IQCH: variants seen among roughly 807,000 people sequenced by gnomAD.
IQCH encodes IQ domain-containing protein H.
Under a neutral mutation model 117.0 loss-of-function variants are expected in IQCH, and 98 were observed. The ratio of observed to expected loss-of-function variants is 0.84; its 90% CI spans 0.71 to 0.99. The LOEUF (loss-of-function observed/expected upper bound fraction) is 0.99, where lower values mean the gene tolerates loss of function less well. IQCH is among the 50% of genes least tolerant of loss of function. The probability of loss-of-function intolerance (pLI) is 0.00; values close to 1 mark genes in which losing one functional copy is unlikely to be tolerated. For synonymous variants in IQCH, 412 were observed against 448.2 expected (o/e 0.92, Z 1.02); for missense variants, 1,102 against 1,243.8 (o/e 0.89, Z 1.72).
At chr15:67,371,818 A>G (rs1596274879) in intron 8 of IQCH, among the ~76,000 whole-genome samples, 1 of 152,242 alleles carries the variant, frequency 6.6e-6, no homozygotes, top group African/African-American at 2.4e-5. Flanking sequence ...TGATTGTATC[A>G]AAGTAAACTA....
At chr15:67,442,674 A>G (rs1015501859) in intron 16 of IQCH, among the ~76,000 whole-genome samples, 1 of 152,148 alleles carries the variant, frequency 6.6e-6, no homozygotes, top group Non-Finnish European at 1.5e-5. Flanking sequence ...CAGTCCCATT[A>G]CTGGATATCT....
At chr15:67,289,383 A>C (rs1183340607) in intron 4 of IQCH, among the ~76,000 whole-genome samples, 2 of 152,052 alleles carry the variant, frequency 1.3e-5, no homozygotes, top group Non-Finnish European at 2.9e-5. Context: ...TATTGCAGTG[A>C]TCATGGGCCT....
intron 4 of IQCH, among the ~76,000 whole-genome samples, chr15:67,303,369 G>A (rs1433349134): frequency 6.6e-6 from 1 of 152,100 alleles, no homozygotes; most frequent in Admixed American, 6.6e-5. Flanking sequence ...AGTGGTGATG[G>A]TTGTGAATAT....
chr15:67,272,730 G>A (rs1965952160), intron 3 of IQCH, among the ~76,000 whole-genome samples: 1 of 152,104 alleles, frequency 6.6e-6, no homozygotes, highest in African/African-American at 2.4e-5. Context: ...TTTTATCTAT[G>A]TATAATTACT....
At chr15:67,327,930 A>G (rs1038390785) in intron 4 of IQCH, among the ~76,000 whole-genome samples, 1 of 152,144 alleles carries the variant, frequency 6.6e-6, no homozygotes, top group African/African-American at 2.4e-5. Flanking sequence ...ACTAAACTCC[A>G]TCCTCTGACT....
rs146114667 is a variant in IQCH, at chr15:67,264,837, G to GCT, written c.269+1635_269+1636dup. On this transcript the variant is annotated intron_variant, in intron 3 of 20. Coordinates refer to ENST00000335894, the MANE Select transcript of IQCH (RefSeq NM_001031715.3). ...ATGATCCAGCTATGTTAGCTCACTC[G>GCT]CTCTCTCTCTCTCTCCCTCCTCCTT... Among the ~76,000 whole-genome samples, 101 of 149,818 alleles carry GCT rather than the reference G, an allele frequency of 6.7e-4. 1 individual carries two copies. The highest frequency in any genetic ancestry group is 6.8e-3 in the Middle Eastern group (2 of 294).
intron 4 of IQCH, among the ~76,000 whole-genome samples, chr15:67,316,098 C>A (rs758961006): frequency 9.9e-5 from 15 of 152,092 alleles, no homozygotes. Context: ...TGTACTAATA[C>A]GTTATATGAG....
rs930255073 is a variant in IQCH, at chr15:67,474,241, C to A, written c.2677-1455C>A. 1.3e-5 allele frequency among the ~76,000 whole-genome samples: 2 copies of A among 152,082 alleles called. No homozygotes were observed. Among genetic ancestry groups the A allele is most frequent in the African/African-American group, 2.4e-5 (1 of 41,414 alleles). ...GATTATAATGCATGTCAGGTCACTA[C>A]GATTCCTTACGGCCAGCTCCAGACC... On this transcript the variant is annotated intron_variant, in intron 17 of 20. Coordinates refer to ENST00000335894, the MANE Select transcript of IQCH (RefSeq NM_001031715.3). The surrounding 1 kb of genome is among the most constrained non-coding windows in gnomAD (Gnocchi z 4.1).
intron 4 of IQCH, among the ~76,000 whole-genome samples, chr15:67,315,311 A>C (rs1967794986): frequency 6.6e-6 from 1 of 152,210 alleles, no homozygotes. Flanking sequence ...CTTGGTGAGC[A>C]GCAGAATCAC....
chr15:67,447,795 C>T lies in IQCH; in HGVS notation c.2506-17332C>T, dbSNP rs948379189. Among the ~76,000 whole-genome samples, 4 of 152,188 alleles carry T rather than the reference C, an allele frequency of 2.6e-5. No individual in the cohort carries two copies. The highest frequency in any genetic ancestry group is 4.4e-5 in the Non-Finnish European group (3 of 68,034). On this transcript the variant is annotated intron_variant, in intron 16 of 20. Coordinates refer to ENST00000335894, the MANE Select transcript of IQCH (RefSeq NM_001031715.3). The surrounding 1 kb of genome is among the most constrained non-coding windows in gnomAD (Gnocchi z 5.3). ...GGAGCTGATACAAAGTAAAAGCCTG[C>T]TGTGGTGAGTCCAAGCAACAGCTTG...
chr15:67,439,110 A>G (rs530748226), intron 16 of IQCH, among the ~76,000 whole-genome samples: 1 of 152,344 alleles, frequency 6.6e-6, no homozygotes, highest in East Asian at 1.9e-4. Context: ...TACACATTCT[A>G]TTCAACAGCG....
rs952931911 is a variant in IQCH, at chr15:67,370,342, G to A, written c.754-1769G>A. Among the ~76,000 whole-genome samples the A allele has an allele frequency of 4.6e-5, 7 of 152,180 alleles. No individual in the cohort carries two copies. On this transcript the variant is annotated intron_variant, in intron 8 of 20. Transcript: ENST00000335894. This position sits in a 1 kb window ranked among gnomAD's most constrained non-coding sequence, Gnocchi z 5.6. The stretch of plus-strand genomic sequence containing the variant: ...CAGAGTCCTGTTGACTGAATCACAC[G>A]TGACTGGCAGGACCAGCCAGCTCCA...
At chr15:67,373,248 T>A (rs1970616435) in intron 9 of IQCH, 119 bp from the exon 10 acceptor site, 1 of 616,232 alleles carries the variant, frequency 1.6e-6, no homozygotes, top group African/African-American at 1.9e-5. Context: ...AGTATGTAAT[T>A]AAATCAATTA....
chr15:67,439,574 GAAAC>G (rs1391326599), intron 16 of IQCH, among the ~76,000 whole-genome samples: 2 of 152,000 alleles, frequency 1.3e-5, no homozygotes, highest in East Asian at 3.9e-4. Context: ...CATGAAATTT[GAAAC>G]AAACAAACAA....
Position 67,427,355 on chromosome 15 carries a change from T to C in IQCH, c.2505+5778T>C, listed in dbSNP as rs17298032. Among the ~76,000 whole-genome samples, 11,578 of 152,220 alleles carry C rather than the reference T, an allele frequency of 0.076. 586 individuals carry two copies. The highest frequency in any genetic ancestry group is 0.13 in the East Asian group (665 of 5,176). On this transcript the variant is annotated intron_variant, in intron 16 of 20. Coordinates refer to ENST00000335894, the MANE Select transcript of IQCH (RefSeq NM_001031715.3). This position sits in a 1 kb window ranked among gnomAD's most constrained non-coding sequence, Gnocchi z 4.7. ...CTCTTCATCATACTAAAGTTTCATATAGTCAAATCCAGCTGTTTTTCTTTT... is the reference window on the plus strand; with the variant it reads ...CTCTTCATCATACTAAAGTTTCATACAGTCAAATCCAGCTGTTTTTCTTTT...
chr15:67,326,013 A>G (rs1228851744), intron 4 of IQCH, among the ~76,000 whole-genome samples: 1 of 152,146 alleles, frequency 6.6e-6, no homozygotes, highest in African/African-American at 2.4e-5. Context: ...CATGTGCACA[A>G]CGTGCAGGTT....
rs936827415 is a variant in IQCH, at chr15:67,406,665, A to C, written c.2097+6360A>C. 1 of 152,192 alleles carries C rather than the reference A, an allele frequency of 6.6e-6. No individual in the cohort carries two copies. The highest frequency in any genetic ancestry group is 1.9e-4 in the East Asian group (1 of 5,196). 9.4% of individuals were successfully genotyped at this position (152,192 alleles called of 1,614,324 possible). A position where few individuals can be genotyped will look rare whatever the true frequency, so the allele number is the denominator to read the frequency against. On this transcript the variant is annotated intron_variant, in intron 14 of 20. Transcript: ENST00000335894. This position sits in a 1 kb window ranked among gnomAD's most constrained non-coding sequence, Gnocchi z 4.5. ...GAGTGTTGGAACAGGCTAGTCATTC[A>C]GGGTAACTAAGAGGTAGTTTGGCTT...
At chr15:67,438,864 T>TA (rs1259892369) in intron 16 of IQCH, among the ~76,000 whole-genome samples, 1 of 152,240 alleles carries the variant, frequency 6.6e-6, no homozygotes, top group East Asian at 1.9e-4. Context: ...ATCACAATCC[T>TA]AAACATATAT....
chr15:67,347,792 G>A (rs1279066676), intron 6 of IQCH, among the ~76,000 whole-genome samples: 2 of 146,248 alleles, frequency 1.4e-5, no homozygotes, highest in African/African-American at 5.0e-5. Context: ...TGAATCTAGT[G>A]CTCTGTCTAT....
Sources: gnomAD v4.1 joint callset for allele counts (sites outside exome capture counted in the v4.1 genomes callset) on GRCh38, gnomAD v4.1.1 for gene constraint, Gnocchi (gnomAD v3.1) non-coding constraint, MANE v1.5 for transcripts, NCBI Gene and HGNC (gene_info 2026-07-23, HGNC 2026-07-21) for gene names.